The following MED24 variants were observed in gnomAD, a reference collection of about 807,000 sequenced individuals.
MED24 encodes the protein mediator complex subunit 24.
A neutral mutation model predicts 118.8 loss-of-function variants in MED24; 74 were observed. The ratio of observed to expected loss-of-function variants is 0.62; its 90% CI spans 0.52 to 0.76. The LOEUF is 0.76. Among genes scored for constraint, MED24 ranks in the 30% least tolerant of loss-of-function variants. The pLI, the probability that MED24 is intolerant of heterozygous loss-of-function variation, is 0.00. For synonymous variants in MED24, 521 were observed against 523.9 expected, an observed-to-expected ratio of 0.99 and a Z score of 0.08; for missense variants, 1,041 against 1,278.9, an observed-to-expected ratio of 0.81 and a Z score of 2.84.
At chr17:40,027,072 G>A in intron 16 of MED24, 38 bp from the exon 17 acceptor site, 1 of 1,608,084 alleles carries the variant, frequency 6.2e-7, no homozygotes, top group African/African-American at 1.3e-5. Context: ...CGAGTGGGGA[G>A]GGCGCGGCGC....
chr17:40,044,020 T>C (rs954018879), intron 3 of MED24, among the ~76,000 whole-genome samples: 2 of 149,304 alleles, frequency 1.3e-5, no homozygotes, highest in African/African-American at 4.9e-5. Context: ...TCCCAGCTAC[T>C]TGGAGGCTGA....
chr17:40,025,089 C>G (rs529086602), intron 19 of MED24, among the ~76,000 whole-genome samples: 469 of 152,308 alleles, frequency 3.1e-3, no homozygotes, highest in African/African-American at 0.011. Context: ...TCACGTGCTA[C>G]TACATGGATG....
Position 40,027,376 on chromosome 17 carries a change from C to T in MED24, c.1530+7G>A. The T allele has an allele frequency of 1.2e-6, 2 of 1,612,524 alleles. No individual in the cohort carries two copies. The highest frequency in any genetic ancestry group is 1.7e-6 in the Non-Finnish European group (2 of 1,179,474). ...GAGCCCCCGTCCCGGTCGCTCCCCT[C>T]TCTCACCTCTGAACCATAGGTCTGG... is the stretch of plus-strand genomic sequence containing the variant. On this transcript the variant is annotated splice_region_variant and intron_variant, in intron 16 of 25. Transcript: ENST00000394128.
At chr17:40,025,093 A>G (rs1292502132) in intron 19 of MED24, among the ~76,000 whole-genome samples, 1 of 152,212 alleles carries the variant, frequency 6.6e-6, no homozygotes, top group African/African-American at 2.4e-5. Context: ...GTGCTACTAC[A>G]TGGATGAGCT....
chr17:40,029,183 T>G (rs958316008), intron 13 of MED24, among the ~76,000 whole-genome samples: 52 of 152,286 alleles, frequency 3.4e-4, no homozygotes, highest in Non-Finnish European at 5.4e-4. Flanking sequence ...GTGGGCAAGG[T>G]CACGGCTAGG....
intron 3 of MED24, among the ~76,000 whole-genome samples, chr17:40,037,674 G>A (rs921750248): frequency 2.0e-5 from 3 of 152,146 alleles, no homozygotes; most frequent in African/African-American, 7.2e-5. Context: ...CACTTTGGGA[G>A]GCCAAGGCGG....
intron 6 of MED24, chr17:40,034,908 G>A (rs1465848044): frequency 1.3e-6 from 2 of 1,519,800 alleles, no homozygotes; most frequent in Non-Finnish European, 1.8e-6. Flanking sequence ...ACAATGCTCA[G>A]TAAATACCTG....
At chr17:40,041,425 G>C (rs1984550828) in intron 3 of MED24, among the ~76,000 whole-genome samples, 1 of 152,098 alleles carries the variant, frequency 6.6e-6, no homozygotes, top group East Asian at 1.9e-4. Flanking sequence ...CACTCTCCCT[G>C]CTGTCTCTGC....
Position 40,026,230 on chromosome 17 carries a change from C to G in MED24, c.1911G>C (p.Glu637Asp), listed in dbSNP as rs754362970. ...GCTGGCGGATCATCTGCAGCGACTT[C>G]TCACGCTCATCCAGCCCCAGCATCC... ...HVRMLGLDEREKSLQMIRQLA... is the reference protein window; with the variant it reads ...HVRMLGLDERDKSLQMIRQLA... Residue 637 changes from glutamate to aspartate, a missense_variant, in exon 19 of 26, where the codon GAG becomes GAC. Coordinates refer to ENST00000394128, the MANE Select transcript of MED24 (RefSeq NM_014815.4). 6.2e-7 allele frequency: 1 copy of G among 1,614,222 alleles called. No homozygotes were observed. The highest frequency in any genetic ancestry group is 1.7e-5 in the Admixed American group (1 of 60,034).
chr17:40,027,674 C>T, intron 15 of MED24: 1 of 665,156 alleles, frequency 1.5e-6, no homozygotes, highest in Non-Finnish European at 2.6e-6. Flanking sequence ...TCCTGGCATA[C>T]CTAACCAAGT....
chr17:40,023,528 GCGC>G, intron 19 of MED24, 133 bp from the exon 20 acceptor site: 1 of 879,246 alleles, frequency 1.1e-6, no homozygotes, highest in East Asian at 2.6e-5. Context: ...ACCCAGTTTT[GCGC>G]TGGGGGACGG....
chr17:40,028,059 A>G, intron 14 of MED24, 113 bp from the exon 15 acceptor site: 1 of 1,087,242 alleles, frequency 9.2e-7, no homozygotes, highest in Non-Finnish European at 1.4e-6. Flanking sequence ...TACTGGTTAA[A>G]CTTAAAATGA....
Position 40,028,806 on chromosome 17 carries a change from A to G in MED24, c.1409+20T>C, listed in dbSNP as rs1983029017. ...CAGCCTCCCTGCACGCCCTGGGGTC[A>G]GGGGCTTGGCCTTCCTCACTTGATG... is the stretch of plus-strand genomic sequence containing the variant. On this transcript the variant is annotated intron_variant, in intron 14 of 25. Coordinates refer to ENST00000394128, the MANE Select transcript of MED24 (RefSeq NM_014815.4). 1 of 1,612,870 alleles carries G rather than the reference A, an allele frequency of 6.2e-7. No homozygotes were observed. The highest frequency in any genetic ancestry group is 8.5e-7 in the Non-Finnish European group (1 of 1,179,778).
At chr17:40,032,515 G>C (rs1983507816) in intron 9 of MED24, 134 bp downstream of exon 9, 4 of 660,178 alleles carry the variant, frequency 6.1e-6, no homozygotes, top group African/African-American at 1.8e-5. Context: ...TGATCAATGG[G>C]AACTTGCACT....
intron 11 of MED24, 128 bp downstream of exon 11, chr17:40,031,410 T>C (rs1983364046): frequency 2.4e-6 from 3 of 1,244,490 alleles, no homozygotes; most frequent in African/African-American, 1.5e-5. Context: ...TGTGGGCTCC[T>C]ATTTCCTGCC....
chr17:40,019,177 C>CACACAA lies in MED24; in HGVS notation c.*351_*352insTTGTGT, dbSNP rs1448113170. The stretch of plus-strand genomic sequence containing the variant: ...TCACATATTACAAAATACACACAAA[C>CACACAA]ACACACACACACACACACACACACA... On this transcript the variant is annotated 3_prime_UTR_variant, in exon 26 of 26. Coordinates refer to ENST00000394128, the MANE Select transcript of MED24 (RefSeq NM_014815.4). The CACACAA allele has an allele frequency of 6.2e-6, 1 of 161,694 alleles. No individual in the cohort carries two copies. Among genetic ancestry groups the CACACAA allele is most frequent in the African/African-American group, 3.4e-5 (1 of 29,136 alleles). The allele number at this position is 161,694 out of a possible 1,614,324, so 10.0% of individuals were successfully genotyped here.
At position 40,033,492 on chromosome 17, in the gene MED24, A is replaced by G. The variant is rs34556339; in HGVS notation, c.560-36T>C. Reference sequence around the variant, plus strand: ...GAAGGAAGTACAGAAACATGATGGGAAACAGGAGAGAAGGAGCACCTGGCC... The same window carrying G: ...GAAGGAAGTACAGAAACATGATGGGGAACAGGAGAGAAGGAGCACCTGGCC... On this transcript the variant is annotated intron_variant, in intron 6 of 25. Coordinates refer to ENST00000394128, the MANE Select transcript of MED24 (RefSeq NM_014815.4). This position sits in a 1 kb window ranked among gnomAD's most constrained non-coding sequence, Gnocchi z 5.2. The G allele has an allele frequency of 3.9e-3, 5,955 of 1,522,536 alleles. 229 individuals carry two copies. In the African/African-American group the frequency reaches 0.072, roughly 18 times the overall value. The allele number at this position is 1,522,536 out of a possible 1,614,324, so 94.3% of individuals were successfully genotyped here.
rs200554844 is a variant in MED24 at position 40,033,191 on chromosome 17, C to T, written c.687G>A (p.Leu229=). The T allele has an allele frequency of 6.2e-7, 1 of 1,613,972 alleles. No homozygotes were observed. The highest frequency in any genetic ancestry group is 2.2e-5 in the East Asian group (1 of 44,868). ...GTLIRSIPTM[L]SVHAEQMHKT... ...TGTGCATCTGCTCCGCATGCACAGA[C>T]AGCATCGTGGGGATGCTGAGGGGTC... The change falls in exon 8 of 26, where the codon CTG becomes CTA. Residue 229 remains leucine (L), a synonymous_variant. Coordinates refer to ENST00000394128, the MANE Select transcript of MED24 (RefSeq NM_014815.4). The surrounding 1 kb of genome is among the most constrained non-coding windows in gnomAD (Gnocchi z 5.2).
intron 3 of MED24, among the ~76,000 whole-genome samples, chr17:40,039,081 C>T (rs1984265702): frequency 6.6e-6 from 1 of 152,158 alleles, no homozygotes; most frequent in South Asian, 2.1e-4. Flanking sequence ...TGGATGTCCC[C>T]ACTGAACACT....
Sources: allele counts gnomAD v4.1 joint callset (sites outside exome capture counted in the v4.1 genomes callset), GRCh38; gene constraint gnomAD v4.1.1; non-coding constraint Gnocchi (gnomAD v3.1); transcripts MANE v1.5; gene names NCBI Gene and HGNC (gene_info 2026-07-23, HGNC 2026-07-21).